The following MGAM variants were observed in gnomAD, a reference collection of about 807,000 sequenced individuals.
MGAM encodes the protein alpha-1,4-glucosidase.
MGAM carries 253 observed loss-of-function variants against 358.8 expected under a neutral mutation model. The observed-to-expected ratio is 0.71, with a 90% CI of 0.64 to 0.78. The LOEUF (loss-of-function observed/expected upper bound fraction) is 0.78, where lower values mean the gene tolerates loss of function less well. MGAM is among the 30% of genes least tolerant of loss of function. MGAM has a pLI of 0.00. For synonymous variants in MGAM, 1,105 were observed against 1,227.1 expected (o/e 0.90, Z 2.08); for missense variants, 3,080 against 3,432.6 (o/e 0.90, Z 2.57).
intron 1 of MGAM, among the ~76,000 whole-genome samples, chr7:141,996,624 G>GC (rs1211265536): frequency 6.6e-6 from 1 of 152,172 alleles, no homozygotes; most frequent in Non-Finnish European, 1.5e-5. Flanking sequence ...TGAGATTAGA[G>GC]CATTTTCCCT....
upstream of MGAM, among the ~76,000 whole-genome samples, chr7:141,993,605 G>A (rs1554447786): frequency 1.3e-5 from 2 of 152,118 alleles, no homozygotes; most frequent in African/African-American, 4.8e-5. Context: ...TCTTAACCTG[G>A]GGTTTGTAGA....
At chr7:141,997,252 T>C (rs1387165882) in intron 1 of MGAM, among the ~76,000 whole-genome samples, 1 of 152,142 alleles carries the variant, frequency 6.6e-6, no homozygotes, top group Non-Finnish European at 1.5e-5. Context: ...CCAAACTGTC[T>C]ACAGTCTGTG....
At position 142,088,721 on chromosome 7, in the gene MGAM, A is replaced by C. The variant is rs116104572; in HGVS notation, c.6810+2004A>C. ...ATCCATCCAGCCACCCTATTCATTTATGTCTGTCTGTCTGTCTGTCTGTCT... is the reference window on the plus strand; with the variant it reads ...ATCCATCCAGCCACCCTATTCATTTCTGTCTGTCTGTCTGTCTGTCTGTCT... On this transcript the variant is annotated intron_variant, in intron 57 of 70. Coordinates refer to ENST00000475668, the MANE Select transcript of MGAM (RefSeq NM_001365693.1). 7.6e-3 allele frequency among the ~76,000 whole-genome samples: 908 copies of C among 118,708 alleles called. 96 individuals carry two copies. In the South Asian group the frequency reaches 0.092, roughly 12 times the overall value. 77.9% of individuals were successfully genotyped at this position (118,708 alleles called of 152,430 possible).
At chr7:142,049,112 T>C (rs1419145991) in intron 22 of MGAM, among the ~76,000 whole-genome samples, 4 of 152,242 alleles carry the variant, frequency 2.6e-5, no homozygotes, top group Admixed American at 6.5e-5. Flanking sequence ...CATGCAGTAC[T>C]TGACTTTCTG....
At chr7:142,058,383 T>A (rs568397197) in intron 31 of MGAM, 55 bp downstream of exon 31, 1 of 1,607,332 alleles carries the variant, frequency 6.2e-7, no homozygotes, top group African/African-American at 1.3e-5. Context: ...TGCCTCTGTG[T>A]CTGGGTTCAT....
intron 1 of MGAM, among the ~76,000 whole-genome samples, chr7:142,003,643 A>G (rs1804911957): frequency 6.6e-6 from 1 of 152,096 alleles, no homozygotes; most frequent in South Asian, 2.1e-4. Context: ...GCCTAGGCAA[A>G]GAATTTATGA....
At chr7:142,097,497 G>T (rs1816032108) in intron 65 of MGAM, 96 bp from the exon 66 acceptor site, 4 of 1,234,576 alleles carry the variant, frequency 3.2e-6, no homozygotes, top group Admixed American at 1.8e-5. Context: ...GTGGGCCCAA[G>T]GCCATCACAA....
intron 53 of MGAM, among the ~76,000 whole-genome samples, chr7:142,083,913 T>G (rs1585079629): frequency 7.8e-6 from 1 of 128,488 alleles, no homozygotes; most frequent in Non-Finnish European, 1.6e-5. Flanking sequence ...ATGGTGGTGG[T>G]AGTGGTGGTG....
intron 40 of MGAM, among the ~76,000 whole-genome samples, chr7:142,066,264 T>C (rs1275156570): frequency 6.8e-6 from 1 of 146,256 alleles, no homozygotes; most frequent in Non-Finnish European, 1.5e-5. Flanking sequence ...CCTTAAAAAT[T>C]GTGAAGACCT....
intron 26 of MGAM, among the ~76,000 whole-genome samples, chr7:142,054,064 A>C (rs1176899928): frequency 6.6e-6 from 1 of 152,150 alleles, no homozygotes; most frequent in Non-Finnish European, 1.5e-5. Flanking sequence ...TTGGTTAATG[A>C]CTACCAAGCT....
chr7:141,999,458 T>A (rs1381665328), intron 1 of MGAM, among the ~76,000 whole-genome samples: 2 of 152,224 alleles, frequency 1.3e-5, no homozygotes, highest in Non-Finnish European at 2.9e-5. Flanking sequence ...GTTCAAATTG[T>A]GGCTTTGCTC....
In MGAM at chr7:142,081,019, G is replaced by A. The variant is rs374748680; in HGVS notation, c.6002+74G>A. ...GCTGCCAGGTCCATTGTCCTTGGAT[G>A]TATCCTGGTTCAAAACATCACATTG... is the stretch of plus-strand genomic sequence containing the variant. On this transcript the variant is annotated intron_variant, in intron 50 of 70. Transcript: ENST00000475668. The A allele has an allele frequency of 5.8e-5, 74 of 1,270,070 alleles. 3 individuals carry two copies. In the African/African-American group the frequency reaches 8.3e-4, roughly 14 times the overall value. The allele number at this position is 1,270,070 out of a possible 1,614,324, so 78.7% of individuals were successfully genotyped here.
chr7:142,088,776 TCTATCTA>T lies in MGAM; in HGVS notation c.6810+2060_6810+2066del, dbSNP rs1205369394. Among the ~76,000 whole-genome samples, 44 of 134,404 alleles carry T rather than the reference TCTATCTA, an allele frequency of 3.3e-4. 5 individuals are homozygous for T. The highest frequency in any genetic ancestry group is 6.0e-4 in the Non-Finnish European group (36 of 59,922). 88.2% of individuals were successfully genotyped at this position (134,404 alleles called of 152,430 possible). On this transcript the variant is annotated intron_variant, in intron 57 of 70. Transcript: ENST00000475668. ...ATCTATCTATCTATCTATCTATCTA[TCTATCTA>T]TCTATCTATCTATCTATCATTCTAT... is the stretch of plus-strand genomic sequence containing the variant.
intron 42 of MGAM, among the ~76,000 whole-genome samples, chr7:142,067,935 A>AAT (rs547783903): frequency 9.9e-4 from 29 of 29,186 alleles, no homozygotes; most frequent in African/African-American, 1.9e-3. Flanking sequence ...ACCTCCCTCA[A>AAT]ATATATATAT....
intron 68 of MGAM, among the ~76,000 whole-genome samples, chr7:142,101,699 A>G (rs928247898): frequency 6.6e-6 from 1 of 151,650 alleles, no homozygotes; most frequent in Non-Finnish European, 1.5e-5. Context: ...TGAGGTTGGG[A>G]GTTCGAGATC....
chr7:142,030,302 G>T, intron 10 of MGAM, 60 bp from the exon 11 acceptor site: 23 of 1,529,218 alleles, frequency 1.5e-5, no homozygotes, highest in South Asian at 1.1e-4. Flanking sequence ...GTGAAAATTT[G>T]ATTTCATTTT....
At position 142,055,699 on chromosome 7, in the gene MGAM, G is replaced by C. The variant is rs367928928; in HGVS notation, c.3456G>C (p.Gly1152=). Residue 1152 remains glycine (G), a synonymous_variant, in exon 28 of 71, where the codon GGG becomes GGC. Coordinates refer to ENST00000475668, the MANE Select transcript of MGAM (RefSeq NM_001365693.1). The part of the protein sequence containing the change: ...YRRDLEWHTW[G]MFSRDQPPGY... ...GAGACTTGGAGTGGCACACTTGGGG[G>C]ATGTTCTCCCGAGACCAGCCCCCAG... 2.5e-5 allele frequency: 40 copies of C among 1,613,780 alleles called. No homozygotes were observed. The highest frequency in any genetic ancestry group is 3.4e-5 in the Non-Finnish European group (40 of 1,179,886).
intron 3 of MGAM, among the ~76,000 whole-genome samples, chr7:142,016,198 G>T (rs1042064222): frequency 3.3e-5 from 5 of 152,142 alleles, no homozygotes; most frequent in Admixed American, 6.5e-5. Flanking sequence ...AGGAGGAGAG[G>T]ATTGGGGTAG....
rs193144181 is a variant in MGAM at position 142,060,364 on chromosome 7, C to T, written c.4113C>T (p.Ser1371=). The change falls in exon 34 of 71, where the codon AGC becomes AGT. Residue 1371 remains serine, a synonymous_variant. Coordinates refer to ENST00000475668, the MANE Select transcript of MGAM (RefSeq NM_001365693.1). ...VVVNGSLDWD[S]QVELYRAYVA... ...TGAATGGGTCTCTAGACTGGGACAG[C>T]CAAGTGGAGGTAAAAGGGTGTTTGT... The T allele has an allele frequency of 1.8e-3, 2,982 of 1,613,870 alleles. 5 individuals carry two copies. The highest frequency in any genetic ancestry group is 2.3e-3 in the Non-Finnish European group (2,706 of 1,179,750).
Sources: allele counts gnomAD v4.1 joint callset (sites outside exome capture counted in the v4.1 genomes callset), GRCh38; gene constraint gnomAD v4.1.1; transcripts MANE v1.5; gene names NCBI Gene and HGNC (gene_info 2026-07-23, HGNC 2026-07-21).